SF1: variants seen among roughly 807,000 people sequenced by gnomAD.
SF1 encodes the protein splicing factor 1, also known as branch point-binding protein.
A neutral mutation model predicts 62.5 loss-of-function variants in SF1; 7 were observed. The observed-to-expected ratio is 0.11, with a 90% CI of 0.06 to 0.21. SF1 has a LOEUF of 0.21. Ranked by LOEUF, SF1 falls within the 10% of genes least tolerant of loss-of-function variation. The pLI is 1.00. For missense variants in SF1, 578 were observed against 884.0 expected, an observed-to-expected ratio of 0.65 and a Z score of 4.39; for synonymous variants, 394 against 323.6, an observed-to-expected ratio of 1.22 and a Z score of -2.33.
chr11:64,767,681 T>A lies in SF1; in HGVS notation c.1232A>T (p.His411Leu). The A allele has an allele frequency of 6.2e-7, 1 of 1,610,038 alleles. No homozygotes were observed. Among genetic ancestry groups the A allele is most frequent in the Admixed American group, 1.7e-5 (1 of 58,992 alleles). Residue 411 changes from histidine (H) to leucine (L), a missense_variant, in exon 10 of 13, where the codon CAT (histidine) becomes CTT (leucine). His to Leu is a moderately conservative substitution (Grantham distance 99, BLOSUM62 -3). Coordinates refer to ENST00000377390, the MANE Select transcript of SF1 (RefSeq NM_004630.4). ...TCCATTGGGGTTGTGCTGCATGGGA[T>A]GTCCACCATGCCCACCTGTCAGGCT... is the stretch of plus-strand genomic sequence containing the variant. ...LPSLTGGHGG[H>L]PMQHNPNGPP...
In SF1 at chr11:64,767,764, A is replaced by G. The variant is rs952200203; in HGVS notation, c.1149T>C (p.His383=). 1.4e-5 allele frequency: 23 copies of G among 1,613,462 alleles called. No individual in the cohort carries two copies. The highest frequency in any genetic ancestry group is 1.9e-5 in the Non-Finnish European group (23 of 1,179,752). ...PSESRPYHGM[H]GGGPGGPGGG... ...CTCCGGGCCCACCAGGACCACCTCC[A>G]TGCATGCCGTGGTAGGGCCGACTCT... Residue 383 remains histidine, a synonymous_variant, in exon 10 of 13, where the codon CAT becomes CAC. Transcript: ENST00000377390.
chr11:64,777,491 A>G (rs1939495790), intron 1 of SF1: 6 of 985,228 alleles, frequency 6.1e-6, no homozygotes, highest in Non-Finnish European at 7.2e-6. Context: ...CATCTGAAGC[A>G]TGCCAACCTC....
chr11:64,770,538 T>C, intron 3 of SF1, 130 bp from the exon 4 acceptor site: 2 of 953,176 alleles, frequency 2.1e-6, no homozygotes, highest in Non-Finnish European at 3.1e-6. Context: ...GAACCGACCA[T>C]AACGTGTGCT....
intron 8 of SF1, among the ~76,000 whole-genome samples, chr11:64,768,607 A>G (rs1488069259): frequency 6.6e-6 from 1 of 152,244 alleles, no homozygotes; most frequent in Non-Finnish European, 1.5e-5. Flanking sequence ...AGGAAAATCT[A>G]TGCAAGACTG....
At chr11:64,777,585 G>A (rs1382692095) in intron 1 of SF1, 35 of 985,280 alleles carry the variant, frequency 3.6e-5, no homozygotes, top group South Asian at 4.7e-5. Flanking sequence ...AAGACCAGAA[G>A]GGAGTCGCTG....
At chr11:64,766,726 TC>T in intron 12 of SF1, 173 bp downstream of exon 12, 2 of 489,512 alleles carry the variant, frequency 4.1e-6, no homozygotes, top group Non-Finnish European at 7.1e-6. Context: ...ACATCAGCTC[TC>T]CTCTTCAAGA....
chr11:64,772,609 AAG>A, intron 3 of SF1: 1 of 985,172 alleles, frequency 1.0e-6, no homozygotes, highest in Non-Finnish European at 1.2e-6. Flanking sequence ...TGTATGTACT[AAG>A]AGAAAATTCA....
chr11:64,765,998 C>A lies in SF1; in HGVS notation c.1740G>T (p.Gly580=). ...PPGVQPPLPP[G]APPPPPPPPP... is the part of the protein sequence containing the mutation. ...GTGGAGGCGGCGGAGGGGGAGGGGCCCCAGGCGGCAGAGGCGGCTGGACCC... is the reference window on the plus strand; with the variant it reads ...GTGGAGGCGGCGGAGGGGGAGGGGCACCAGGCGGCAGAGGCGGCTGGACCC... The change falls in exon 13 of 13, where the codon GGG becomes GGT. Residue 580 remains glycine (G), a synonymous_variant. Coordinates refer to ENST00000377390, the MANE Select transcript of SF1 (RefSeq NM_004630.4). The A allele has an allele frequency of 6.2e-7, 1 of 1,606,430 alleles. No homozygotes were observed. The highest frequency in any genetic ancestry group is 8.5e-7 in the Non-Finnish European group (1 of 1,177,150).
intron 2 of SF1, among the ~76,000 whole-genome samples, chr11:64,774,669 G>T (rs1441912335): frequency 1.3e-5 from 2 of 152,106 alleles, no homozygotes; most frequent in African/African-American, 4.8e-5. Flanking sequence ...ATTATCGAAA[G>T]AAAATACTGG....
Position 64,769,027 on chromosome 11 carries a change from G to T in SF1, c.882C>A (p.Phe294Leu), listed in dbSNP as rs76197601. ...CGCAAGAGCCAGCCCCTCACCTTTG[G>T]AATTTACAGTCTGAAGCAATGTGGC... is the stretch of plus-strand genomic sequence containing the variant. ...GAGHIASDCKFQRPGDPQSAQ... is the reference protein window; with the variant it reads ...GAGHIASDCKLQRPGDPQSAQ... Residue 294 changes from phenylalanine (F) to leucine (L), a missense_variant, in exon 8 of 13, where the codon TTC (phenylalanine) becomes TTA (leucine). Transcript: ENST00000377390. 11 of 1,611,656 alleles carry T rather than the reference G, an allele frequency of 6.8e-6. No individual in the cohort carries two copies. Among genetic ancestry groups the T allele is most frequent in the Non-Finnish European group, 9.3e-6 (11 of 1,177,774 alleles).
At chr11:64,767,402 C>T (rs888738352) in intron 10 of SF1, 151 bp from the exon 11 acceptor site, 3 of 1,037,694 alleles carry the variant, frequency 2.9e-6, no homozygotes, top group Non-Finnish European at 4.4e-6. Context: ...CAGAATCACT[C>T]CCTGAACCAG....
rs765599142 is a variant in SF1 at position 64,776,556 on chromosome 11, T to A, written c.102A>T (p.Pro34=). The change falls in exon 2 of 13, where the codon CCA becomes CCT. Residue 34 remains proline (P), a synonymous_variant. Coordinates refer to ENST00000377390, the MANE Select transcript of SF1 (RefSeq NM_004630.4). ...QDTMEQKTVI[P]GMPTVIPPGL... ...CAGGGGGAATAACTGTAGGCATTCC[T>A]GGAATCACTGTCTTCTGTTCCATTG... The A allele has an allele frequency of 1.3e-6, 2 of 1,581,422 alleles. No individual in the cohort carries two copies. The highest frequency in any genetic ancestry group is 1.7e-4 in the Middle Eastern group (1 of 5,914).
At position 64,766,100 on chromosome 11, in the gene SF1, C is replaced by T. The variant is rs201121025; in HGVS notation, c.1638G>A (p.Gln546=). ...GAGAAGCTGCGGCAGCCGCCTGCTG[C>T]TGTTGCCATGGCGGGATGGACCCTG... ...AGTGSIPPWQ[Q]QQAAAAASPG... Residue 546 remains glutamine (Q), a synonymous_variant, in exon 13 of 13, where the codon CAG becomes CAA. Transcript: ENST00000377390. 2 of 1,611,036 alleles carry T rather than the reference C, an allele frequency of 1.2e-6. No individual in the cohort carries two copies. Among genetic ancestry groups the T allele is most frequent in the Non-Finnish European group, 1.7e-6 (2 of 1,179,758 alleles).
At chr11:64,775,486 G>A (rs1939061776) in intron 2 of SF1, among the ~76,000 whole-genome samples, 1 of 152,184 alleles carries the variant, frequency 6.6e-6, no homozygotes, top group African/African-American at 2.4e-5. Context: ...TAGTAGTACT[G>A]TGAAAGGAGA....
chr11:64,767,297 G>T, intron 10 of SF1, 46 bp from the exon 11 acceptor site: 1 of 1,568,850 alleles, frequency 6.4e-7, no homozygotes, highest in Non-Finnish European at 8.8e-7. Context: ...ATTGGAACTG[G>T]CCAGGGAAGC....
rs1312593318 is a variant in SF1, at chr11:64,776,466, A to G, written c.160+32T>C. On this transcript the variant is annotated intron_variant, in intron 2 of 12. Transcript: ENST00000377390. ...GCTCAGAATAAATCGTAACAATCTCAAAGTGCATTTGGATGCAGAACGTAT... is the reference window on the plus strand; with the variant it reads ...GCTCAGAATAAATCGTAACAATCTCGAAGTGCATTTGGATGCAGAACGTAT... 5 of 1,567,166 alleles carry G rather than the reference A, an allele frequency of 3.2e-6. No homozygotes were observed. The African/African-American group carries it at 6.9e-5, about 22-fold the overall frequency.
intron 12 of SF1, 32 bp downstream of exon 12, chr11:64,766,866 ACC>A: frequency 8.8e-5 from 16 of 181,322 alleles, no homozygotes; most frequent in African/African-American, 1.5e-4. Context: ...CCCCCATCCC[ACC>A]CACCCCCACA....
chr11:64,767,981 C>T (rs1044739674), intron 9 of SF1, 125 bp downstream of exon 9: 14 of 1,443,744 alleles, frequency 9.7e-6, no homozygotes, highest in Non-Finnish European at 1.3e-5. Context: ...GGCCTGAGAT[C>T]CCGGAAGAAC....
rs1418725973 is a variant in SF1 at position 64,765,560 on chromosome 11, G to C, written c.*258C>G. On this transcript the variant is annotated 3_prime_UTR_variant, in exon 13 of 13. Coordinates refer to ENST00000377390, the MANE Select transcript of SF1 (RefSeq NM_004630.4). ...GGGAGAGGCAAAGGGAGTTGGGTGAGGAGAGAAAGAAGACAAAGAAGACAC... is the reference window on the plus strand; with the variant it reads ...GGGAGAGGCAAAGGGAGTTGGGTGACGAGAGAAAGAAGACAAAGAAGACAC... The C allele has an allele frequency of 6.4e-7, 1 of 1,572,880 alleles. No individual in the cohort carries two copies. The highest frequency in any genetic ancestry group is 8.6e-7 in the Non-Finnish European group (1 of 1,163,156).
Sources: allele counts gnomAD v4.1 joint callset (sites outside exome capture counted in the v4.1 genomes callset), GRCh38; gene constraint gnomAD v4.1.1; transcripts MANE v1.5; gene names NCBI Gene and HGNC (gene_info 2026-07-23, HGNC 2026-07-21).